THSD7B: variants seen among roughly 807,000 people sequenced by gnomAD.
THSD7B encodes thrombospondin type-1 domain-containing protein 7B.
In THSD7B, 138 loss-of-function variants were observed where a neutral mutation model predicts 213.6. The ratio of observed to expected loss-of-function variants is 0.65; its 90% CI spans 0.56 to 0.74. The LOEUF is 0.74. THSD7B is among the 30% of genes least tolerant of loss of function. THSD7B has a pLI of 0.00. For missense variants in THSD7B, 1,931 were observed against 1,991.5 expected, an observed-to-expected ratio of 0.97 and a Z score of 0.58; for synonymous variants, 742 against 687.0, an observed-to-expected ratio of 1.08 and a Z score of -1.25.
At chr2:137,125,918 G>C (rs543513786) in intron 5 of THSD7B, among the ~76,000 whole-genome samples, 1 of 152,210 alleles carries the variant, frequency 6.6e-6, no homozygotes, top group South Asian at 2.1e-4. Context: ...TGGGGCATCA[G>C]GTGCATTGTC....
chr2:136,869,834 G>C (rs759910686), intron 1 of THSD7B, among the ~76,000 whole-genome samples: 3 of 152,222 alleles, frequency 2.0e-5, no homozygotes, highest in African/African-American at 7.2e-5. Context: ...AGCACTTTGG[G>C]AGGCCAAGGC....
chr2:137,416,655 C>T (rs1296886147), intron 14 of THSD7B, among the ~76,000 whole-genome samples: 1 of 152,222 alleles, frequency 6.6e-6, no homozygotes, highest in Non-Finnish European at 1.5e-5. Context: ...AGTCAACACA[C>T]ATATGCCCAT....
At chr2:136,827,580 G>T (rs941686727) in intron 1 of THSD7B, among the ~76,000 whole-genome samples, 8 of 152,154 alleles carry the variant, frequency 5.3e-5, no homozygotes, top group African/African-American at 1.9e-4. Flanking sequence ...ATGAGGGGCA[G>T]AAAGAACCTC....
intron 1 of THSD7B, among the ~76,000 whole-genome samples, chr2:136,833,190 C>G (rs1682783260): frequency 6.6e-6 from 1 of 151,598 alleles, no homozygotes; most frequent in Non-Finnish European, 1.5e-5. Flanking sequence ...ATGGTGAAAC[C>G]CCGTCTCTAC....
chr2:137,038,421 G>A (rs1449550394), intron 2 of THSD7B, among the ~76,000 whole-genome samples: 1 of 152,138 alleles, frequency 6.6e-6, no homozygotes, highest in Non-Finnish European at 1.5e-5. Flanking sequence ...AATCCACACT[G>A]CTGATGAGCC....
intron 7 of THSD7B, among the ~76,000 whole-genome samples, chr2:137,177,091 T>C (rs528315098): frequency 1.3e-5 from 2 of 152,366 alleles, no homozygotes; most frequent in African/African-American, 4.8e-5. Context: ...AGAAATGATA[T>C]ACTATCTCAT....
chr2:137,059,342 T>A (rs978661239), intron 3 of THSD7B, among the ~76,000 whole-genome samples: 1 of 152,186 alleles, frequency 6.6e-6, no homozygotes, highest in African/African-American at 2.4e-5. Context: ...AGCAGGTACA[T>A]TGGTTACAAT....
intron 2 of THSD7B, among the ~76,000 whole-genome samples, chr2:136,952,964 G>A (rs1213744014): frequency 6.6e-6 from 1 of 152,022 alleles, no homozygotes. Context: ...AAATTGTTAT[G>A]GTTATTTATA....
chr2:137,027,154 G>A (rs1269699936), intron 2 of THSD7B, among the ~76,000 whole-genome samples: 3 of 152,130 alleles, frequency 2.0e-5, no homozygotes, highest in Admixed American at 1.3e-4. Context: ...ATTAATGGTG[G>A]CACCAAAATC....
At chr2:137,429,095 G>A (rs549908031) in intron 14 of THSD7B, among the ~76,000 whole-genome samples, 20 of 152,290 alleles carry the variant, frequency 1.3e-4, no homozygotes, top group African/African-American at 4.8e-4. Context: ...AAGGTATTTT[G>A]TTATAGCAGC....
intron 1 of THSD7B, among the ~76,000 whole-genome samples, chr2:136,844,462 CAGAG>C (rs56716402): frequency 0.036 from 5,079 of 142,544 alleles, 121 homozygotes; most frequent in South Asian, 0.068. Context: ...CCACCCAAAA[CAGAG>C]AGAGAGAGAG....
rs1228933511 is a variant in THSD7B at position 137,252,278 on chromosome 2, A to AC, written c.2266+9706_2266+9707insC. On this transcript the variant is annotated intron_variant, in intron 10 of 27. Transcript: ENST00000409968. The stretch of plus-strand genomic sequence containing the variant: ...CGAGACTCTGTCTCAAAAAAAAAAA[A>AC]AAAAAAAAAAAACAAAGGGTTGGGG... Among the ~76,000 whole-genome samples the AC allele has an allele frequency of 4.6e-3, 688 of 150,278 alleles. 6 individuals carry two copies. Among genetic ancestry groups the AC allele is most frequent in the African/African-American group, 0.016 (649 of 40,352 alleles).
chr2:136,840,315 G>A (rs1682903121), intron 1 of THSD7B, among the ~76,000 whole-genome samples: 1 of 152,134 alleles, frequency 6.6e-6, no homozygotes, highest in Non-Finnish European at 1.5e-5. Context: ...GGAGGTGGAG[G>A]TTGCAGTGAG....
chr2:137,072,536 A>G (rs1209801396), intron 3 of THSD7B, among the ~76,000 whole-genome samples: 17 of 152,176 alleles, frequency 1.1e-4, no homozygotes, highest in Non-Finnish European at 2.2e-4. Context: ...ATATACAATC[A>G]TGTCATCTGC....
intron 7 of THSD7B, among the ~76,000 whole-genome samples, chr2:137,228,603 A>G (rs1681569864): frequency 6.6e-6 from 1 of 152,102 alleles, no homozygotes. Context: ...GATACCTCGT[A>G]TTTTCCTACC....
rs541527595 is a variant in THSD7B, at chr2:137,457,235, T to A, written c.3138+6212T>A. On this transcript the variant is annotated intron_variant, in intron 15 of 27. Transcript: ENST00000409968. ...AATCAATCATGAGAAGCAATTTTCC[T>A]GTATCTGTTGTCCATGTAGTCTTAC... 8.5e-5 allele frequency among the ~76,000 whole-genome samples: 13 copies of A among 152,346 alleles called. 1 individual carries two copies. Among genetic ancestry groups the A allele is most frequent in the African/African-American group, 3.1e-4 (13 of 41,582 alleles).
chr2:137,236,836 C>T (rs538848422), intron 9 of THSD7B, among the ~76,000 whole-genome samples: 4 of 152,244 alleles, frequency 2.6e-5, no homozygotes, highest in East Asian at 3.9e-4. Context: ...GCTAGCTGGG[C>T]GCGGTGGCTC....
At chr2:137,130,708 T>C in intron 5 of THSD7B, among the ~76,000 whole-genome samples, 1 of 150,700 alleles carries the variant, frequency 6.6e-6, no homozygotes, top group East Asian at 2.0e-4. Context: ...GGACATGAAG[T>C]CATCATTTTT....
At chr2:137,560,356 T>C (rs947105903) in intron 15 of THSD7B, among the ~76,000 whole-genome samples, 1 of 152,122 alleles carries the variant, frequency 6.6e-6, no homozygotes, top group Non-Finnish European at 1.5e-5. Flanking sequence ...ATGTGGCACA[T>C]ATACACCATG....
Sources: gnomAD v4.1 joint callset for allele counts (sites outside exome capture counted in the v4.1 genomes callset) on GRCh38, gnomAD v4.1.1 for gene constraint, MANE v1.5 for transcripts, NCBI Gene and HGNC (gene_info 2026-07-23, HGNC 2026-07-21) for gene names.